GNG7: variants seen among roughly 807,000 people sequenced by gnomAD.
The protein encoded by GNG7 is guanine nucleotide-binding protein G(I)/G(S)/G(O) subunit gamma-7.
Under a neutral mutation model 4.0 loss-of-function variants are expected in GNG7, and 1 was observed. That is an observed-to-expected ratio of 0.25 (90% CI 0.09 to 1.18). The LOEUF (loss-of-function observed/expected upper bound fraction) is 1.18. Ranked by LOEUF, GNG7 falls within the 50% of genes most tolerant of loss-of-function variation. The pLI, the probability that GNG7 is intolerant of heterozygous loss-of-function variation, is 0.50. For missense variants in GNG7, 86 were observed against 91.9 expected, an observed-to-expected ratio of 0.94 and a Z score of 0.26; for synonymous variants, 34 against 36.9, an observed-to-expected ratio of 0.92 and a Z score of 0.29.
At chr19:2,692,735 T>C (rs1033384071) in intron 1 of GNG7, among the ~76,000 whole-genome samples, 1 of 151,624 alleles carries the variant, frequency 6.6e-6, no homozygotes, top group Non-Finnish European at 1.5e-5. Context: ...CCTGTAATTC[T>C]AGAATGTGGG....
intron 3 of GNG7, among the ~76,000 whole-genome samples, chr19:2,553,127 A>C (rs1979389252): frequency 6.8e-6 from 1 of 146,896 alleles, no homozygotes; most frequent in South Asian, 2.1e-4. Context: ...AGCAAAACCA[A>C]AAAAAAAAAA....
At chr19:2,671,367 C>T (rs1259191155) in intron 1 of GNG7, among the ~76,000 whole-genome samples, 2 of 152,094 alleles carry the variant, frequency 1.3e-5, no homozygotes, top group African/African-American at 2.4e-5. Flanking sequence ...CTCTGAGCCT[C>T]GACCTGGCCA....
At chr19:2,515,296 C>T (rs921608131) in intron 4 of GNG7, 149 bp from the exon 5 acceptor site, 2 of 882,656 alleles carry the variant, frequency 2.3e-6, no homozygotes, top group Non-Finnish European at 3.4e-6. Context: ...GGCCCGTCCA[C>T]ACGCTGGAAT....
rs35162955 is a variant in GNG7 at position 2,514,205 on chromosome 19, GAAA to G, written c.*814_*816del. 1.4e-5 allele frequency: 2 copies of G among 142,120 alleles called. No individual in the cohort carries two copies. The highest frequency in any genetic ancestry group is 2.6e-5 in the African/African-American group (1 of 38,196). The allele number at this position is 142,120 out of a possible 1,614,324, so 8.8% of individuals were successfully genotyped here. On this transcript the variant is annotated 3_prime_UTR_variant, in exon 5 of 5. Transcript: ENST00000382159. ...AGAATGAAACTCCATCTCAAAAAAA[GAAA>G]AAAAAAAAAAATCCAAAAACATGAT... is the stretch of plus-strand genomic sequence containing the variant.
In GNG7 at chr19:2,551,189, A is replaced by G. The variant is rs1480588370; in HGVS notation, c.-38+3960T>C. ...GAGGACGGGGCTCAGGGCAGGCTCC[A>G]GGGACCTCACCCTGGCCGTTTGACC... On this transcript the variant is annotated intron_variant, in intron 3 of 4. Transcript: ENST00000382159. Among the ~76,000 whole-genome samples, 3 of 152,324 alleles carry G rather than the reference A, an allele frequency of 2.0e-5. No homozygotes were observed. The East Asian group carries it at 5.8e-4, about 29-fold the overall frequency.
intron 3 of GNG7, among the ~76,000 whole-genome samples, chr19:2,536,959 T>A (rs570428446): frequency 8.1e-5 from 12 of 147,472 alleles, no homozygotes; most frequent in South Asian, 6.4e-4. Context: ...TTTATTTTTT[T>A]TTTTTGAGAC....
intron 2 of GNG7, among the ~76,000 whole-genome samples, chr19:2,605,343 C>T (rs986646701): frequency 6.6e-6 from 1 of 151,692 alleles, no homozygotes; most frequent in Non-Finnish European, 1.5e-5. Context: ...GGACTACAGG[C>T]ACCTGCCACC....
rs59490251 is a variant in GNG7, at chr19:2,522,751, CAAAAAAAAAAAAA to C, written c.-37-2039_-37-2027del. Among the ~76,000 whole-genome samples, 109 of 43,914 alleles carry C rather than the reference CAAAAAAAAAAAAA, an allele frequency of 2.5e-3. 2 individuals are homozygous for C. The highest frequency in any genetic ancestry group is 9.0e-3 in the African/African-American group (93 of 10,318). 28.8% of individuals were successfully genotyped at this position (43,914 alleles called of 152,430 possible). A position where few individuals can be genotyped will look rare whatever the true frequency, so the allele number is the denominator to read the frequency against. On this transcript the variant is annotated intron_variant, in intron 3 of 4. Coordinates refer to ENST00000382159, the MANE Select transcript of GNG7 (RefSeq NM_052847.3). ...TGGGGGACAGAGTGAGACTCTGTCT[CAAAAAAAAAAAAA>C]AAAAAAAAAAAAAAAGAAGGAAAGG...
At chr19:2,641,942 G>C (rs932772573) in intron 2 of GNG7, 1 of 152,336 alleles carries the variant, frequency 6.6e-6, no homozygotes, top group African/African-American at 2.4e-5. Flanking sequence ...TGGGATTACA[G>C]GAGTGAGCCA....
Position 2,514,978 on chromosome 19 carries a change from GAGAGAGAA to G in GNG7, c.*36_*43del, listed in dbSNP as rs774296985. Reference sequence around the variant, plus strand: ...AGACAGAGACAGAGACAGAGAGAGAGAGAGAGAAAGAGAGAGAGAGAGAGAGAACATAT... The same window carrying G: ...AGACAGAGACAGAGACAGAGAGAGAGAGAGAGAGAGAGAGAGAGAACATAT... On this transcript the variant is annotated 3_prime_UTR_variant, in exon 5 of 5. Coordinates refer to ENST00000382159, the MANE Select transcript of GNG7 (RefSeq NM_052847.3). 1.8e-5 allele frequency: 27 copies of G among 1,487,136 alleles called. No homozygotes were observed. Among genetic ancestry groups the G allele is most frequent in the Non-Finnish European group, 9.4e-7 (1 of 1,066,292 alleles). 92.1% of individuals were successfully genotyped at this position (1,487,136 alleles called of 1,614,324 possible).
At chr19:2,630,641 G>A (rs1425558584) in intron 2 of GNG7, 6 of 151,934 alleles carry the variant, frequency 3.9e-5, no homozygotes, top group Non-Finnish European at 8.8e-5. Context: ...GAATGAGCCT[G>A]GAATGAGCTT....
At chr19:2,543,947 G>GCTCCTGGACTCTTTC (rs931061546) in intron 3 of GNG7, among the ~76,000 whole-genome samples, 24 of 152,124 alleles carry the variant, frequency 1.6e-4, no homozygotes, top group Non-Finnish European at 2.9e-4. Context: ...AGCTCGCAGA[G>GCTCCTGGACTCTTTC]CTCCTGGACT....
rs71178282 is a variant in GNG7, at chr19:2,519,146, C to CTTTTTTTT, written c.81+1454_81+1461dup. On this transcript the variant is annotated intron_variant, in intron 4 of 4. Transcript: ENST00000382159. ...TGTGAAGGTTGTTTTTTTCTTGTTT[C>CTTTTTTTT]TTTTTTTTTTTTTTTTTTTTTTGAG... Among the ~76,000 whole-genome samples, 303 of 84,450 alleles carry CTTTTTTTT rather than the reference C, an allele frequency of 3.6e-3. 1 individual carries two copies. The highest frequency in any genetic ancestry group is 4.8e-3 in the Non-Finnish European group (218 of 45,472). The allele number at this position is 84,450 out of a possible 152,430, so 55.4% of individuals were successfully genotyped here. A position where few individuals can be genotyped will look rare whatever the true frequency, so the allele number is the denominator to read the frequency against.
chr19:2,532,867 A>G (rs1445359692), intron 3 of GNG7, among the ~76,000 whole-genome samples: 1 of 152,192 alleles, frequency 6.6e-6, no homozygotes, highest in Non-Finnish European at 1.5e-5. Flanking sequence ...TAGTACAACC[A>G]CCATGGAAAA....
In GNG7 at chr19:2,548,151, C is replaced by T. The variant is rs558012399; in HGVS notation, c.-38+6998G>A. Among the ~76,000 whole-genome samples, 5 of 152,036 alleles carry T rather than the reference C, an allele frequency of 3.3e-5. No individual in the cohort carries two copies. The East Asian group carries it at 5.8e-4, about 18-fold the overall frequency. Reference sequence around the variant, plus strand: ...TCTCCCTGAGGGCTAGGGATCATTACGGATGTTTTCATGTTAACAATGGAA... The same window carrying T: ...TCTCCCTGAGGGCTAGGGATCATTATGGATGTTTTCATGTTAACAATGGAA... On this transcript the variant is annotated intron_variant, in intron 3 of 4. Transcript: ENST00000382159.
intron 2 of GNG7, among the ~76,000 whole-genome samples, chr19:2,621,338 T>C (rs1290420829): frequency 6.6e-6 from 1 of 151,430 alleles, no homozygotes; most frequent in Non-Finnish European, 1.5e-5. Flanking sequence ...TGCAGTGAGC[T>C]ATGATGCTGC....
intron 3 of GNG7, among the ~76,000 whole-genome samples, chr19:2,528,528 G>A (rs370263987): frequency 2.4e-4 from 37 of 151,932 alleles, no homozygotes; most frequent in African/African-American, 8.2e-4. Flanking sequence ...AGTAAATACA[G>A]GGGTGTTTCC....
chr19:2,571,355 AC>A (rs1980140585), intron 2 of GNG7, among the ~76,000 whole-genome samples: 2 of 152,170 alleles, frequency 1.3e-5, no homozygotes, highest in Non-Finnish European at 2.9e-5. Context: ...TATTGCAAAG[AC>A]CTTGTTGGAC....
rs1981746638 is a variant in GNG7, at chr19:2,617,238, A to G, written c.-78+28986T>C. ...AGTCGTGACAACCACAGATGTCCCC[A>G]GATATCACCCAGAGTCCCCTGGAGG... On this transcript the variant is annotated intron_variant, in intron 2 of 4. Coordinates refer to ENST00000382159, the MANE Select transcript of GNG7 (RefSeq NM_052847.3). This position sits in a 1 kb window ranked among gnomAD's most constrained non-coding sequence, Gnocchi z 4.7. Among the ~76,000 whole-genome samples the G allele has an allele frequency of 6.6e-6, 1 of 152,158 alleles. No individual in the cohort carries two copies. Among genetic ancestry groups the G allele is most frequent in the Admixed American group, 6.5e-5 (1 of 15,268 alleles).
Sources: gnomAD v4.1 joint callset for allele counts (sites outside exome capture counted in the v4.1 genomes callset) on GRCh38, gnomAD v4.1.1 for gene constraint, Gnocchi (gnomAD v3.1) non-coding constraint, MANE v1.5 for transcripts, NCBI Gene and HGNC (gene_info 2026-07-23, HGNC 2026-07-21) for gene names.